SHISA9: variants seen among roughly 807,000 people sequenced by gnomAD.
SHISA9 encodes protein shisa-9.
A neutral mutation model predicts 38.0 loss-of-function variants in SHISA9; 13 were observed. The observed-to-expected ratio is 0.34, with a 90% CI of 0.22 to 0.54. The LOEUF is 0.54. Ranked by LOEUF, SHISA9 falls within the 20% of genes least tolerant of loss-of-function variation. SHISA9 has a pLI of 0.91. For missense variants in SHISA9, 538 were observed against 575.8 expected (o/e 0.93, Z 0.67); for synonymous variants, 275 against 242.0 (o/e 1.14, Z -1.27).
rs1285521380 is a variant in SHISA9, at chr16:13,200,698, C to T, written c.692-2696C>T. ...GGACTCTCCCATCGCAGCTGAATCT[C>T]GGCCAAAAAGCTATCGTGGTAGAAG... is the stretch of plus-strand genomic sequence containing the variant. On this transcript the variant is annotated intron_variant, in intron 2 of 4. Transcript: ENST00000558583. 2.2e-5 allele frequency among the ~76,000 whole-genome samples: 3 copies of T among 136,880 alleles called. 1 individual carries two copies. The highest frequency in any genetic ancestry group is 4.8e-5 in the Non-Finnish European group (3 of 62,474). 89.8% of individuals were successfully genotyped at this position (136,880 alleles called of 152,430 possible). A position where few individuals can be genotyped will look rare whatever the true frequency, so the allele number is the denominator to read the frequency against.
intron 2 of SHISA9, among the ~76,000 whole-genome samples, chr16:13,010,613 G>A (rs1004094230): frequency 6.6e-6 from 1 of 152,130 alleles, no homozygotes; most frequent in East Asian, 1.9e-4. Flanking sequence ...AAGTACTACT[G>A]GGATCAGAAT....
chr16:12,952,050 G>T (rs756512401), intron 2 of SHISA9, among the ~76,000 whole-genome samples: 1 of 152,210 alleles, frequency 6.6e-6, no homozygotes, highest in Non-Finnish European at 1.5e-5. Flanking sequence ...GGACTTAAAT[G>T]ATTTTTTTTT....
At chr16:13,011,763 C>T (rs908122593) in intron 2 of SHISA9, among the ~76,000 whole-genome samples, 8 of 152,250 alleles carry the variant, frequency 5.3e-5, no homozygotes, top group Admixed American at 6.5e-5. Context: ...CCTCGTGATC[C>T]GCCTGCCTCG....
chr16:13,265,645 C>T, the SHISA9 span, among the ~76,000 whole-genome samples: 5 of 149,804 alleles, frequency 3.3e-5, no homozygotes, highest in South Asian at 1.1e-3. Flanking sequence ...CTCTCCTCTC[C>T]TCTCATTCAT....
the SHISA9 span, among the ~76,000 whole-genome samples, chr16:13,501,074 C>A: frequency 2.0e-5 from 3 of 152,170 alleles, no homozygotes; most frequent in South Asian, 2.1e-4. Flanking sequence ...GACAGGATAA[C>A]CTTCCCAATG....
the SHISA9 span, among the ~76,000 whole-genome samples, chr16:13,274,819 G>A: frequency 5.3e-5 from 8 of 152,042 alleles, no homozygotes; most frequent in African/African-American, 1.7e-4. Flanking sequence ...AACGTGTTTC[G>A]GGCAGGACTC....
the SHISA9 span, among the ~76,000 whole-genome samples, chr16:13,409,216 C>G: frequency 6.6e-6 from 1 of 152,178 alleles, no homozygotes; most frequent in East Asian, 1.9e-4. Context: ...TCTTCCCACT[C>G]CATCCCCCTT....
At chr16:13,184,676 T>G (rs1244002869) in intron 2 of SHISA9, among the ~76,000 whole-genome samples, 1 of 152,206 alleles carries the variant, frequency 6.6e-6, no homozygotes, top group Non-Finnish European at 1.5e-5. Context: ...TATAATTTTG[T>G]CTTTTCCACA....
At chr16:13,480,391 G>A in the SHISA9 span, among the ~76,000 whole-genome samples, 2 of 152,052 alleles carry the variant, frequency 1.3e-5, no homozygotes, top group Admixed American at 6.5e-5. Context: ...GGTCACTCTT[G>A]GCCTCTCTTG....
chr16:13,275,815 T>C, the SHISA9 span, among the ~76,000 whole-genome samples: 1 of 152,064 alleles, frequency 6.6e-6, no homozygotes, highest in Admixed American at 6.6e-5. Flanking sequence ...AAATAACCTC[T>C]CTTTCCTTCC....
chr16:13,297,839 C>G, the SHISA9 span, among the ~76,000 whole-genome samples: 2 of 152,188 alleles, frequency 1.3e-5, no homozygotes, highest in East Asian at 3.8e-4. Context: ...TCACTGCAAC[C>G]TCTACCTCCG....
the SHISA9 span, among the ~76,000 whole-genome samples, chr16:13,272,145 G>T: frequency 6.0e-5 from 9 of 151,232 alleles, no homozygotes; most frequent in Non-Finnish European, 8.8e-5. Context: ...GCATCACTTG[G>T]TAATGTTACC....
the SHISA9 span, among the ~76,000 whole-genome samples, chr16:13,529,727 C>A: frequency 6.6e-6 from 1 of 152,158 alleles, no homozygotes; most frequent in Non-Finnish European, 1.5e-5. Flanking sequence ...ACAACACCAA[C>A]CTATAGGGCA....
the SHISA9 span, among the ~76,000 whole-genome samples, chr16:13,497,695 A>C: frequency 2.1e-5 from 3 of 140,654 alleles, no homozygotes; most frequent in African/African-American, 7.5e-5. Flanking sequence ...CAAAAAAAAA[A>C]AAAAAAGAAA....
At chr16:12,933,329 C>T (rs1002803657) in intron 2 of SHISA9, among the ~76,000 whole-genome samples, 34 of 151,536 alleles carry the variant, frequency 2.2e-4, no homozygotes, top group Non-Finnish European at 1.0e-4. Context: ...GAGTCTTGCT[C>T]TGCCACCCAG....
At chr16:13,050,908 AC>A (rs1434304603) in intron 2 of SHISA9, among the ~76,000 whole-genome samples, 1 of 152,058 alleles carries the variant, frequency 6.6e-6, no homozygotes, top group African/African-American at 2.4e-5. Context: ...TCCTGGGTAA[AC>A]CCCTATGCAT....
At chr16:13,440,630 A>T in the SHISA9 span, among the ~76,000 whole-genome samples, 1 of 152,272 alleles carries the variant, frequency 6.6e-6, no homozygotes, top group South Asian at 2.1e-4. Context: ...TGCTTTGATT[A>T]AAAAAGGGAC....
At chr16:13,556,062 A>G in the SHISA9 span, among the ~76,000 whole-genome samples, 1 of 152,196 alleles carries the variant, frequency 6.6e-6, no homozygotes, top group Non-Finnish European at 1.5e-5. Context: ...TATGCAAAGC[A>G]CTTAGCCTAA....
the SHISA9 span, among the ~76,000 whole-genome samples, chr16:13,462,835 G>A: frequency 2.0e-5 from 3 of 151,968 alleles, no homozygotes; most frequent in East Asian, 1.9e-4. Context: ...GGTGGCGGGC[G>A]CCAGTAATCC....
Sources: gnomAD v4.1 joint callset for allele counts (sites outside exome capture counted in the v4.1 genomes callset) on GRCh38, gnomAD v4.1.1 for gene constraint, MANE v1.5 for transcripts, NCBI Gene and HGNC (gene_info 2026-07-23, HGNC 2026-07-21) for gene names.